The following AHCYL2 variants were observed in gnomAD, a reference collection of about 807,000 sequenced individuals.
The protein encoded by AHCYL2 is adenosylhomocysteinase like 2.
Under a neutral mutation model 81.4 loss-of-function variants are expected in AHCYL2, and 28 were observed. The observed-to-expected ratio is 0.34, with a 90% CI of 0.25 to 0.47. The LOEUF is 0.47. Among genes scored for constraint, AHCYL2 ranks in the 20% least tolerant of loss-of-function variants. AHCYL2 has a pLI of 1.00. For synonymous variants in AHCYL2, 272 were observed against 290.2 expected (o/e 0.94, Z 0.64); for missense variants, 551 against 785.1 (o/e 0.70, Z 3.56).
chr7:129,392,373 T>C (rs1238860702), intron 4 of AHCYL2, among the ~76,000 whole-genome samples: 2 of 152,228 alleles, frequency 1.3e-5, no homozygotes, highest in Non-Finnish European at 2.9e-5. Context: ...ATTCAGTATC[T>C]GGTGAGGGCC....
intron 4 of AHCYL2, among the ~76,000 whole-genome samples, chr7:129,390,896 A>C (rs1795439114): frequency 6.6e-6 from 1 of 152,198 alleles, no homozygotes; most frequent in African/African-American, 2.4e-5. Context: ...CTTTTTATTA[A>C]AAAACTTTTT....
chr7:129,353,147 C>T (rs1793626252), intron 1 of AHCYL2, among the ~76,000 whole-genome samples: 1 of 151,964 alleles, frequency 6.6e-6, no homozygotes, highest in Non-Finnish European at 1.5e-5. Context: ...GGGGTTTCAC[C>T]GTGTTGGCCA....
chr7:129,361,128 G>T (rs79587915), intron 1 of AHCYL2, among the ~76,000 whole-genome samples: 3,116 of 152,282 alleles, frequency 0.02, 56 homozygotes, highest in Non-Finnish European at 0.031. Context: ...GCACATTCAA[G>T]TTTGAAAAGC....
At chr7:129,403,330 C>A in intron 6 of AHCYL2, 49 bp from the exon 7 acceptor site, 1 of 1,347,650 alleles carries the variant, frequency 7.4e-7, no homozygotes, top group Non-Finnish European at 1.0e-6. Flanking sequence ...GCACTGAAGC[C>A]TTGAGACTTC....
At chr7:129,382,683 A>T (rs115772316) in intron 2 of AHCYL2, among the ~76,000 whole-genome samples, 2,063 of 152,248 alleles carry the variant, frequency 0.014, 48 homozygotes, top group African/African-American at 0.048. Flanking sequence ...AGGTCGGCGA[A>T]TCACCTGAGG....
chr7:129,304,676 T>C (rs559234321), intron 1 of AHCYL2, among the ~76,000 whole-genome samples: 148 of 152,336 alleles, frequency 9.7e-4, no homozygotes, highest in Non-Finnish European at 1.7e-3. Context: ...TTGAAATCTA[T>C]TTTGTCTGAT....
intron 1 of AHCYL2, among the ~76,000 whole-genome samples, chr7:129,344,889 T>G (rs1378952639): frequency 6.6e-6 from 1 of 152,152 alleles, no homozygotes; most frequent in Non-Finnish European, 1.5e-5. Context: ...GCATGGTGGC[T>G]CACACCTGTA....
At chr7:129,344,692 T>G in intron 1 of AHCYL2, among the ~76,000 whole-genome samples, 1 of 152,026 alleles carries the variant, frequency 6.6e-6, no homozygotes, top group East Asian at 1.9e-4. Context: ...AGGCCCTAAG[T>G]TGGAAAAGAA....
At chr7:129,369,705 AC>A (rs1034901060) in intron 1 of AHCYL2, among the ~76,000 whole-genome samples, 16 of 152,116 alleles carry the variant, frequency 1.1e-4, no homozygotes, top group African/African-American at 3.9e-4. Context: ...GGTGTGCACC[AC>A]CATACCGGGT....
intron 1 of AHCYL2, among the ~76,000 whole-genome samples, chr7:129,330,088 T>TC (rs1798365281): frequency 1.3e-5 from 2 of 152,306 alleles, no homozygotes; most frequent in South Asian, 4.1e-4. Context: ...GAGCTTGAGC[T>TC]CACCTCCTGG....
At chr7:129,316,004 G>GCCTC (rs1797815620) in intron 1 of AHCYL2, among the ~76,000 whole-genome samples, 1 of 152,132 alleles carries the variant, frequency 6.6e-6, no homozygotes, top group African/African-American at 2.4e-5. Flanking sequence ...AACCCCAGAG[G>GCCTC]GCCAGAGAGA....
chr7:129,424,674 GT>G, intron 13 of AHCYL2, 199 bp from the exon 14 acceptor site: 1 of 605,716 alleles, frequency 1.7e-6, no homozygotes, highest in Non-Finnish European at 2.9e-6. Flanking sequence ...TTAGCTATTA[GT>G]TTCATCAGAT....
At chr7:129,225,549 C>T in intron 1 of AHCYL2, 110 bp downstream of exon 1, 1 of 1,386,594 alleles carries the variant, frequency 7.2e-7, no homozygotes, top group Non-Finnish European at 9.3e-7. Context: ...ATCGCAGGAC[C>T]GGAGATACCC....
intron 1 of AHCYL2, among the ~76,000 whole-genome samples, chr7:129,370,220 C>G (rs1161696536): frequency 1.3e-5 from 2 of 152,140 alleles, no homozygotes; most frequent in Non-Finnish European, 2.9e-5. Context: ...AGTAGTGGCT[C>G]CTGCTGAACT....
intron 12 of AHCYL2, among the ~76,000 whole-genome samples, chr7:129,420,894 A>C (rs1797086271): frequency 6.6e-6 from 1 of 152,210 alleles, no homozygotes; most frequent in Admixed American, 6.5e-5. Context: ...CAAACACTAC[A>C]AATATGCTTA....
chr7:129,291,082 C>T (rs1221553974), intron 1 of AHCYL2, among the ~76,000 whole-genome samples: 1 of 152,080 alleles, frequency 6.6e-6, no homozygotes, highest in Non-Finnish European at 1.5e-5. Flanking sequence ...GTCTTTACTT[C>T]ACTTGCTGTA....
intron 1 of AHCYL2, among the ~76,000 whole-genome samples, chr7:129,266,268 T>G (rs777601134): frequency 6.6e-6 from 1 of 152,184 alleles, no homozygotes; most frequent in Non-Finnish European, 1.5e-5. Context: ...AAACCAAAAT[T>G]GACTTTGTTC....
intron 1 of AHCYL2, among the ~76,000 whole-genome samples, chr7:129,321,766 G>GTTTTTTTTTTTTTTTT (rs1315391980): frequency 1.8e-4 from 19 of 107,436 alleles, no homozygotes; most frequent in Admixed American, 4.2e-4. Flanking sequence ...TTTTTTTTTG[G>GTTTTTTTTTTTTTTTT]TCTTGGTTTT....
intron 5 of AHCYL2, among the ~76,000 whole-genome samples, chr7:129,398,179 A>T (rs913296669): frequency 1.3e-5 from 2 of 150,200 alleles, no homozygotes; most frequent in East Asian, 1.9e-4. Context: ...CAGCTAATTT[A>T]AAAAAAATGT....
Sources: allele counts gnomAD v4.1 joint callset (sites outside exome capture counted in the v4.1 genomes callset), GRCh38; gene constraint gnomAD v4.1.1; transcripts MANE v1.5; gene names NCBI Gene and HGNC (gene_info 2026-07-23, HGNC 2026-07-21).